Variants in NRG1 observed in about 807,000 individuals in gnomAD.
NRG1 encodes pro-neuregulin-1, membrane-bound isoform.
A neutral mutation model predicts 63.8 loss-of-function variants in NRG1; 18 were observed. That is an observed-to-expected ratio of 0.28 (90% confidence interval 0.19 to 0.42). The LOEUF is 0.42. Ranked by LOEUF, NRG1 falls within the 10% of genes least tolerant of loss-of-function variation. The probability of loss-of-function intolerance (pLI) is 1.00; values close to 1 mark genes in which losing one functional copy is unlikely to be tolerated. For synonymous variants in NRG1, 302 were observed against 301.3 expected (o/e 1.00, Z -0.02); for missense variants, 762 against 814.7 (o/e 0.94, Z 0.79).
chr8:31,937,949 A>G (rs1240069626), intron 1 of NRG1, among the ~76,000 whole-genome samples: 1 of 152,138 alleles, frequency 6.6e-6, no homozygotes, highest in Non-Finnish European at 1.5e-5. Context: ...GTAGCTGAAG[A>G]CAAAGTTCAT....
At chr8:32,389,477 G>T (rs547678432) in intron 1 of NRG1, among the ~76,000 whole-genome samples, 1 of 152,202 alleles carries the variant, frequency 6.6e-6, no homozygotes, top group Non-Finnish European at 1.5e-5. Flanking sequence ...TCTAATATGT[G>T]CCAACTCTCT....
chr8:32,230,574 A>G (rs1846817821), intron 1 of NRG1, among the ~76,000 whole-genome samples: 1 of 152,166 alleles, frequency 6.6e-6, no homozygotes, highest in South Asian at 2.1e-4. Context: ...AAGTCAATAA[A>G]TCAAATATAG....
rs35243877 is a variant in NRG1, at chr8:32,552,210, CTT to C, written c.100+3402_100+3403del. ...GGGCATGAGCCACGGCGCTTGGCCGCTTTTTTTTTTTTTTTTTTTAATTTTTG... is the reference window on the plus strand; with the variant it reads ...GGGCATGAGCCACGGCGCTTGGCCGCTTTTTTTTTTTTTTTTTAATTTTTG... On this transcript the variant is annotated intron_variant, in intron 1 of 11. Transcript: ENST00000356819. 5.4e-3 allele frequency among the ~76,000 whole-genome samples: 671 copies of C among 124,720 alleles called. 4 individuals are homozygous for C. The highest frequency in any genetic ancestry group is 0.012 in the African/African-American group (396 of 32,810). 81.8% of individuals were successfully genotyped at this position (124,720 alleles called of 152,430 possible).
chr8:31,682,040 G>GT (rs1808392785), intron 1 of NRG1, among the ~76,000 whole-genome samples: 1 of 152,048 alleles, frequency 6.6e-6, no homozygotes, highest in South Asian at 2.1e-4. Flanking sequence ...TTAATGACAT[G>GT]TATCTGTCAT....
intron 1 of NRG1, among the ~76,000 whole-genome samples, chr8:32,081,986 G>A (rs1291715674): frequency 1.3e-5 from 2 of 152,074 alleles, no homozygotes; most frequent in Non-Finnish European, 2.9e-5. Context: ...AAGGTCTGGG[G>A]CTGGCTTTGA....
chr8:32,527,462 G>A (rs1830978341), intron 1 of NRG1, among the ~76,000 whole-genome samples: 1 of 151,842 alleles, frequency 6.6e-6, no homozygotes, highest in South Asian at 2.1e-4. Flanking sequence ...AGCTAAATAT[G>A]TGTACCATGG....
intron 7 of NRG1, among the ~76,000 whole-genome samples, chr8:32,773,964 T>C (rs764824797): frequency 1.3e-5 from 2 of 152,248 alleles, no homozygotes; most frequent in Non-Finnish European, 2.9e-5. Context: ...GACATATTCA[T>C]GTACCACCTG....
chr8:31,991,009 T>TA (rs1230374413), intron 1 of NRG1, among the ~76,000 whole-genome samples: 1 of 152,086 alleles, frequency 6.6e-6, no homozygotes, highest in Non-Finnish European at 1.5e-5. Context: ...GTTGTTACTT[T>TA]AAAAAATTAT....
intron 1 of NRG1, among the ~76,000 whole-genome samples, chr8:32,197,427 T>C (rs1843071818): frequency 6.6e-6 from 1 of 152,190 alleles, no homozygotes; most frequent in African/African-American, 2.4e-5. Flanking sequence ...AAAGGCTGAT[T>C]TGGTGACTGA....
intron 1 of NRG1, among the ~76,000 whole-genome samples, chr8:31,752,998 T>G (rs1816635969): frequency 6.6e-6 from 1 of 152,088 alleles, no homozygotes; most frequent in African/African-American, 2.4e-5. Flanking sequence ...CTGTGTCACT[T>G]TGAGCAATTT....
chr8:32,007,424 C>T (rs1813954535), intron 1 of NRG1, among the ~76,000 whole-genome samples: 1 of 151,996 alleles, frequency 6.6e-6, no homozygotes, highest in Non-Finnish European at 1.5e-5. Context: ...GGGACATTAA[C>T]TGAATTTGAA....
intron 1 of NRG1, among the ~76,000 whole-genome samples, chr8:32,290,612 T>C (rs1000157008): frequency 3.9e-5 from 6 of 152,166 alleles, no homozygotes; most frequent in Non-Finnish European, 5.9e-5. Context: ...CTCTGTCTTA[T>C]GCCCACGTGA....
chr8:32,007,784 T>A (rs190973126), intron 1 of NRG1, among the ~76,000 whole-genome samples: 28 of 152,114 alleles, frequency 1.8e-4, no homozygotes, highest in Middle Eastern at 3.4e-3. Context: ...GGGATATCTA[T>A]GACTTAGTTC....
At chr8:32,516,563 G>C (rs1457590933) in intron 1 of NRG1, among the ~76,000 whole-genome samples, 2 of 152,124 alleles carry the variant, frequency 1.3e-5, no homozygotes, top group African/African-American at 2.4e-5. Context: ...CCATGAACAT[G>C]GAATGTTTTT....
chr8:31,828,572 C>T (rs1824803062), intron 1 of NRG1, among the ~76,000 whole-genome samples: 1 of 152,188 alleles, frequency 6.6e-6, no homozygotes, highest in Non-Finnish European at 1.5e-5. Flanking sequence ...CACCCGCGCT[C>T]TGTCCAACAG....
chr8:32,743,596 A>ATATATATATATATATATATAT (rs58229077), intron 7 of NRG1, among the ~76,000 whole-genome samples: 23 of 143,868 alleles, frequency 1.6e-4, no homozygotes, highest in East Asian at 6.1e-4. Context: ...ATATATATAT[A>ATATATATATATATATATATAT]AAACTTAATA....
At chr8:32,461,769 C>T (rs1399178362) in intron 1 of NRG1, among the ~76,000 whole-genome samples, 5 of 152,188 alleles carry the variant, frequency 3.3e-5, no homozygotes, top group African/African-American at 1.2e-4. Context: ...CTGAAAACCT[C>T]CTGTGCCCTT....
At chr8:32,545,869 T>C (rs1237241197), upstream of NRG1, among the ~76,000 whole-genome samples, 1 of 152,206 alleles carries the variant, frequency 6.6e-6, no homozygotes, top group Admixed American at 6.5e-5. Context: ...GTCATGCAAT[T>C]GCCATTTCAT....
intron 1 of NRG1, among the ~76,000 whole-genome samples, chr8:32,244,655 A>T (rs1410143023): frequency 1.3e-5 from 2 of 152,190 alleles, no homozygotes; most frequent in Admixed American, 6.5e-5. Context: ...TCTACTTCAG[A>T]TCAATAAACA....
Sources: allele counts gnomAD v4.1 joint callset (sites outside exome capture counted in the v4.1 genomes callset), GRCh38; gene constraint gnomAD v4.1.1; transcripts MANE v1.5; gene names NCBI Gene and HGNC (gene_info 2026-07-23, HGNC 2026-07-21).